Variants in ASH1L observed in about 807,000 individuals in gnomAD.
ASH1L encodes the protein histone-lysine N-methyltransferase ASH1L.
Under a neutral mutation model 269.0 loss-of-function variants are expected in ASH1L, and 23 were observed. The ratio of observed to expected loss-of-function variants is 0.09; its 90% CI spans 0.06 to 0.12. ASH1L has a LOEUF of 0.12. Ranked by LOEUF, ASH1L falls within the 10% of genes least tolerant of loss-of-function variation. ASH1L has a pLI of 1.00. For synonymous variants in ASH1L, 1,187 were observed against 1,253.5 expected (o/e 0.95, Z 1.12); for missense variants, 2,912 against 3,567.8 (o/e 0.82, Z 4.68).
At chr1:155,501,571 A>C (rs558550450) in intron 2 of ASH1L, among the ~76,000 whole-genome samples, 373 of 152,260 alleles carry the variant, frequency 2.4e-3, no homozygotes, top group South Asian at 0.014. Flanking sequence ...AGGTTTTGCC[A>C]TGTTGACTAG....
chr1:155,360,521 G>A (rs1358853163), intron 12 of ASH1L, 112 bp from the exon 13 acceptor site: 14 of 618,202 alleles, frequency 2.3e-5, no homozygotes, highest in East Asian at 3.0e-5. Flanking sequence ...TTGGCTCACC[G>A]CAACCTCCGC....
At chr1:155,417,919 T>C (rs537621902) in intron 5 of ASH1L, among the ~76,000 whole-genome samples, 2 of 151,408 alleles carry the variant, frequency 1.3e-5, no homozygotes, top group South Asian at 2.1e-4. Context: ...GATAGCGCCA[T>C]TGCACTCCAG....
intron 10 of ASH1L, among the ~76,000 whole-genome samples, chr1:155,377,463 C>T (rs1656555618): frequency 6.6e-6 from 1 of 152,014 alleles, no homozygotes; most frequent in Non-Finnish European, 1.5e-5. Context: ...GGCACAGTAT[C>T]ACATACCTAT....
intron 7 of ASH1L, among the ~76,000 whole-genome samples, chr1:155,382,225 G>A (rs1182417486): frequency 1.3e-5 from 2 of 151,992 alleles, no homozygotes; most frequent in Admixed American, 6.6e-5. Flanking sequence ...CAGGCTGGGC[G>A]TGGTGGCTCA....
In ASH1L at chr1:155,480,044, A is replaced by T. The variant is rs781400279; in HGVS notation, c.2826T>A (p.Leu942=). The T allele has an allele frequency of 6.2e-7, 1 of 1,614,052 alleles. No homozygotes were observed. The highest frequency in any genetic ancestry group is 1.1e-5 in the South Asian group (1 of 91,068). ...TGTCATCTAGGTCATCTGGATCCTG[A>T]AGTTGATCCTCGCTCTCAAAGAAAT... ...SSDFFESEDQ[L]QDPDDLDDSH... Residue 942 remains leucine, a synonymous_variant, in exon 3 of 28, where the codon CTT becomes CTA. Transcript: ENST00000392403.
chr1:155,478,731 G>A lies in ASH1L; in HGVS notation c.4139C>T (p.Pro1380Leu). 1.2e-6 allele frequency: 2 copies of A among 1,613,996 alleles called. No individual in the cohort carries two copies. The highest frequency in any genetic ancestry group is 1.7e-6 in the Non-Finnish European group (2 of 1,179,994). ...SFPLSSTGFY[P>L]SYGMPYSPSP... is the part of the protein sequence containing the mutation. ...AGGAGAGTAAGGCATACCATAAGAT[G>A]GATAGAATCCAGTACTAGAAAGAGG... The change falls in exon 3 of 28, where the codon CCA becomes CTA. Residue 1380 changes from proline to leucine, a missense_variant. By Grantham distance (98) the Pro-to-Leu change is moderately conservative. Transcript: ENST00000392403. The surrounding 1 kb of genome is among the most constrained non-coding windows in gnomAD (Gnocchi z 4.6).
intron 19 of ASH1L, among the ~76,000 whole-genome samples, chr1:155,348,710 T>C (rs1025168314): frequency 6.6e-6 from 1 of 151,852 alleles, no homozygotes; most frequent in Non-Finnish European, 1.5e-5. Context: ...GGTGAAACCC[T>C]GTCTCTACTA....
intron 1 of ASH1L, among the ~76,000 whole-genome samples, chr1:155,532,965 GGA>G (rs10679513): frequency 0.044 from 6,199 of 141,974 alleles, 434 homozygotes; most frequent in African/African-American, 0.15. Context: ...ATATATGGGG[GGA>G]GAGAGAGAGA....
chr1:155,471,925 T>A (rs1374316615), intron 3 of ASH1L, among the ~76,000 whole-genome samples: 1 of 152,148 alleles, frequency 6.6e-6, no homozygotes, highest in Non-Finnish European at 1.5e-5. Context: ...CAACATCCAA[T>A]TGGTGATAGA....
At chr1:155,545,582 C>A (rs1670751243) in intron 1 of ASH1L, among the ~76,000 whole-genome samples, 1 of 149,466 alleles carries the variant, frequency 6.7e-6, no homozygotes. Context: ...GATTACACAC[C>A]AAATTGATAG....
At position 155,562,569 on chromosome 1, in the gene ASH1L, G is replaced by A. The variant is rs1209860825; in HGVS notation, c.-516C>T. 1.6e-5 allele frequency: 25 copies of A among 1,528,850 alleles called. No homozygotes were observed. Among genetic ancestry groups the A allele is most frequent in the Non-Finnish European group, 8.8e-6 (10 of 1,140,916 alleles). 94.7% of individuals were successfully genotyped at this position (1,528,850 alleles called of 1,614,324 possible). On this transcript the variant is annotated 5_prime_UTR_variant, in exon 1 of 28. Transcript: ENST00000392403. ...GTTCTTTCCCACCGTCCCCCGCTCC[G>A]CCCGACTCCGTCCGCGTAGCGCGCA...
At chr1:155,522,852 G>A (rs1034441359) in intron 1 of ASH1L, among the ~76,000 whole-genome samples, 2 of 151,906 alleles carry the variant, frequency 1.3e-5, no homozygotes, top group South Asian at 2.1e-4. Flanking sequence ...ATACTCACCC[G>A]GCTAATTTTT....
chr1:155,481,580 G>A lies in ASH1L; in HGVS notation c.1290C>T (p.Leu430=). 1 of 1,614,142 alleles carries A rather than the reference G, an allele frequency of 6.2e-7. No individual in the cohort carries two copies. Among genetic ancestry groups the A allele is most frequent in the Non-Finnish European group, 8.5e-7 (1 of 1,180,004 alleles). The stretch of plus-strand genomic sequence containing the variant: ...AAGCCTTAAGCGGTTCCTGAGTGGG[G>A]AGCAGTGCTTCGGCTTTAAGGTTTA... The part of the protein sequence containing the change: ...DAINLKAEAL[L]PTQEPLKASC... Residue 430 remains leucine (L), a synonymous_variant, in exon 3 of 28, where the codon CTC becomes CTT. Transcript: ENST00000392403.
chr1:155,504,579 C>T lies in ASH1L; in HGVS notation c.420+16521G>A, dbSNP rs188284693. ...ACTTTGTTAGTATTTACTGGCTGGG[C>T]GCGGTGGCTCAGGCCTGTAATCCCA... is the stretch of plus-strand genomic sequence containing the variant. On this transcript the variant is annotated intron_variant, in intron 2 of 27. Transcript: ENST00000392403. 1.2e-3 allele frequency among the ~76,000 whole-genome samples: 180 copies of T among 152,154 alleles called. 1 individual carries two copies. The highest frequency in any genetic ancestry group is 4.1e-3 in the African/African-American group (170 of 41,520).
chr1:155,504,629 G>A (rs1053928421), intron 2 of ASH1L, among the ~76,000 whole-genome samples: 2 of 152,076 alleles, frequency 1.3e-5, no homozygotes, highest in South Asian at 2.1e-4. Context: ...CAAGGCAGTC[G>A]GATCACCTGA....
At chr1:155,509,617 G>A (rs1389557049) in intron 2 of ASH1L, among the ~76,000 whole-genome samples, 1 of 152,134 alleles carries the variant, frequency 6.6e-6, no homozygotes, top group Non-Finnish European at 1.5e-5. Flanking sequence ...TGACCAACGT[G>A]AGGAAAGCCT....
chr1:155,483,206 C>T (rs1476780494), intron 2 of ASH1L, among the ~76,000 whole-genome samples: 5 of 152,100 alleles, frequency 3.3e-5, no homozygotes, highest in African/African-American at 1.2e-4. Flanking sequence ...ATAAAATACT[C>T]AGAACTGAAC....
At chr1:155,347,520 C>G (rs1653463762) in intron 20 of ASH1L, 136 bp downstream of exon 20, 10 of 1,108,072 alleles carry the variant, frequency 9.0e-6, no homozygotes, top group Non-Finnish European at 1.3e-5. Flanking sequence ...AACACAGAAA[C>G]CTAACAGAAA....
At chr1:155,408,447 T>A (rs1270492482) in intron 6 of ASH1L, among the ~76,000 whole-genome samples, 1 of 152,156 alleles carries the variant, frequency 6.6e-6, no homozygotes, top group Admixed American at 6.6e-5. Flanking sequence ...GACTTCTAAA[T>A]AATAATCCTC....
Sources: allele counts gnomAD v4.1 joint callset (sites outside exome capture counted in the v4.1 genomes callset), GRCh38; gene constraint gnomAD v4.1.1; non-coding constraint Gnocchi (gnomAD v3.1); transcripts MANE v1.5; gene names NCBI Gene and HGNC (gene_info 2026-07-23, HGNC 2026-07-21).